Variants in KCTD1 observed in about 807,000 individuals in gnomAD.
The protein encoded by KCTD1 is BTB/POZ domain-containing protein KCTD1.
Under a neutral mutation model 66.0 loss-of-function variants are expected in KCTD1, and 24 were observed. That is an observed-to-expected ratio of 0.36 (90% confidence interval 0.26 to 0.51). The LOEUF (loss-of-function observed/expected upper bound fraction) is 0.51. Among genes scored for constraint, KCTD1 ranks in the 20% least tolerant of loss-of-function variants. The probability of loss-of-function intolerance (pLI) is 0.95; values close to 1 mark genes in which losing one functional copy is unlikely to be tolerated. For synonymous variants in KCTD1, 511 were observed against 517.2 expected (o/e 0.99, Z 0.16); for missense variants, 943 against 1,205.2 (o/e 0.78, Z 3.22).
chr18:26,580,826 G>A (rs1400661362), intron 1 of KCTD1, among the ~76,000 whole-genome samples: 2 of 152,150 alleles, frequency 1.3e-5, no homozygotes, highest in African/African-American at 4.8e-5. Context: ...ACTTTGTGAC[G>A]AGAAAATGTT....
chr18:26,479,931 C>T (rs918611815), intron 2 of KCTD1, among the ~76,000 whole-genome samples: 9 of 152,122 alleles, frequency 5.9e-5, no homozygotes, highest in East Asian at 1.9e-4. Context: ...AACTCTGATG[C>T]CTGAAAACTA....
intron 1 of KCTD1, among the ~76,000 whole-genome samples, chr18:26,603,218 C>G (rs1299068732): frequency 6.6e-6 from 1 of 151,946 alleles, no homozygotes; most frequent in Non-Finnish European, 1.5e-5. Flanking sequence ...TTGCTTGAGT[C>G]CAGGAGTTTG....
chr18:26,651,908 T>C (rs1988044292), intron 1 of KCTD1, among the ~76,000 whole-genome samples: 1 of 152,128 alleles, frequency 6.6e-6, no homozygotes, highest in Non-Finnish European at 1.5e-5. Flanking sequence ...TCGGGCATGT[T>C]ACCTAGGGTG....
chr18:26,476,341 T>C lies in KCTD1; in HGVS notation c.2133+174A>G, dbSNP rs1472816519. Among the ~76,000 whole-genome samples the C allele has an allele frequency of 6.6e-6, 1 of 152,198 alleles. No homozygotes were observed. The highest frequency in any genetic ancestry group is 1.5e-5 in the Non-Finnish European group (1 of 68,034). On this transcript the variant is annotated intron_variant, in intron 3 of 4. Transcript: ENST00000580059. This position sits in a 1 kb window ranked among gnomAD's most constrained non-coding sequence, Gnocchi z 4.9. ...ATGAAAAGCGATCCTCTTTAAGTCA[T>C]GTAGAAGTTTAATGGCCATAACCAC...
intron 1 of KCTD1, among the ~76,000 whole-genome samples, chr18:26,579,103 T>C (rs150769689): frequency 4.6e-5 from 7 of 152,148 alleles, no homozygotes; most frequent in African/African-American, 1.7e-4. Flanking sequence ...ACTTAACAAG[T>C]AGGAAATGTA....
chr18:26,571,574 TGAAA>T (rs1986106975), intron 1 of KCTD1, among the ~76,000 whole-genome samples: 1 of 152,218 alleles, frequency 6.6e-6, no homozygotes, highest in Non-Finnish European at 1.5e-5. Context: ...ATAAATGCTA[TGAAA>T]ATAGTTGTAC....
chr18:26,459,550 G>C (rs1980289647), intron 4 of KCTD1, 70 bp downstream of exon 4: 2 of 1,453,438 alleles, frequency 1.4e-6, no homozygotes, highest in Non-Finnish European at 1.9e-6. Flanking sequence ...AAGGCACCAT[G>C]TGAGGGCAAG....
intron 1 of KCTD1, among the ~76,000 whole-genome samples, chr18:26,520,198 C>T (rs146875903): frequency 3.9e-5 from 6 of 152,288 alleles, no homozygotes; most frequent in Non-Finnish European, 8.8e-5. Context: ...AACTGAGGCT[C>T]AGGGTGACTG....
At chr18:26,561,179 A>G (rs888465886) in intron 1 of KCTD1, among the ~76,000 whole-genome samples, 4 of 147,050 alleles carry the variant, frequency 2.7e-5, no homozygotes, top group Admixed American at 6.8e-5. Context: ...AAAAAAAAAA[A>G]CTCTGACCTA....
intron 1 of KCTD1, among the ~76,000 whole-genome samples, chr18:26,534,651 ACTTACTATGGG>A (rs1984602035): frequency 6.6e-6 from 1 of 152,178 alleles, no homozygotes; most frequent in African/African-American, 2.4e-5. Flanking sequence ...TTTATTCAGC[ACTTACTATGGG>A]CTTTTAATAC....
At chr18:26,606,578 C>G (rs10469036) in intron 1 of KCTD1, among the ~76,000 whole-genome samples, 3,707 of 152,282 alleles carry the variant, frequency 0.024, 149 homozygotes, top group African/African-American at 0.083. Flanking sequence ...CTTCAGCGAT[C>G]TCTTGAACCT....
At chr18:26,598,091 C>A (rs182172274) in intron 1 of KCTD1, among the ~76,000 whole-genome samples, 1 of 152,248 alleles carries the variant, frequency 6.6e-6, no homozygotes, top group African/African-American at 2.4e-5. Flanking sequence ...TCCTAGCAAC[C>A]ACTAATCAAT....
At position 26,583,418 on chromosome 18, in the gene KCTD1, GA is replaced by G. The variant is rs1252504580; in HGVS notation, c.-16+45728del. 5.5e-5 allele frequency among the ~76,000 whole-genome samples: 6 copies of G among 109,326 alleles called. No homozygotes were observed. In the East Asian group the frequency reaches 1.4e-3, roughly 26 times the overall value. 71.7% of individuals were successfully genotyped at this position (109,326 alleles called of 152,430 possible). ...CAAAAAAAAAAAAAAAAAAAAAAAA[GA>G]AAAAGAAAAGAAAAGAGTAAAAGTG... is the stretch of plus-strand genomic sequence containing the variant. On this transcript the variant is annotated intron_variant, in intron 1 of 4. Transcript: ENST00000317932.
intron 1 of KCTD1, among the ~76,000 whole-genome samples, chr18:26,589,075 G>A (rs1986537484): frequency 6.6e-6 from 1 of 152,096 alleles, no homozygotes. Context: ...TGTGTAGGGG[G>A]AATGGAGGAT....
chr18:26,564,124 A>C (rs183097691), intron 1 of KCTD1, among the ~76,000 whole-genome samples: 1 of 151,666 alleles, frequency 6.6e-6, no homozygotes, highest in Non-Finnish European at 1.5e-5. Context: ...ACATGCCTGT[A>C]TCACCCATTT....
At chr18:26,558,919 T>C (rs182816764) in intron 1 of KCTD1, among the ~76,000 whole-genome samples, 1 of 150,862 alleles carries the variant, frequency 6.6e-6, no homozygotes, top group African/African-American at 2.4e-5. Context: ...CAAGACTCCG[T>C]CTCAAAAAGA....
chr18:26,474,727 G>A (rs1293013264), intron 3 of KCTD1, among the ~76,000 whole-genome samples: 3 of 152,062 alleles, frequency 2.0e-5, no homozygotes, highest in Non-Finnish European at 4.4e-5. Context: ...CTTATGGTCT[G>A]ACACTTGTCT....
chr18:26,496,910 G>A (rs1179629588), intron 2 of KCTD1, among the ~76,000 whole-genome samples: 1 of 152,130 alleles, frequency 6.6e-6, no homozygotes, highest in Non-Finnish European at 1.5e-5. Flanking sequence ...ATACATCTTG[G>A]TGCCATTCAG....
At chr18:26,509,518 G>A (rs1373549124) in intron 1 of KCTD1, among the ~76,000 whole-genome samples, 6 of 151,904 alleles carry the variant, frequency 3.9e-5, no homozygotes, top group Non-Finnish European at 7.4e-5. Flanking sequence ...ACCATGTATC[G>A]TTTCTTTGTG....
Sources: allele counts gnomAD v4.1 joint callset (sites outside exome capture counted in the v4.1 genomes callset), GRCh38; gene constraint gnomAD v4.1.1; non-coding constraint Gnocchi (gnomAD v3.1); transcripts MANE v1.5; gene names NCBI Gene and HGNC (gene_info 2026-07-23, HGNC 2026-07-21).